The following TAFA5 variants were observed in gnomAD, a reference collection of about 807,000 sequenced individuals.
TAFA5 encodes the protein chemokine-like protein TAFA-5.
A neutral mutation model predicts 15.3 loss-of-function variants in TAFA5; 6 were observed. The ratio of observed to expected loss-of-function variants is 0.39; its 90% CI spans 0.21 to 0.77. TAFA5 has a LOEUF of 0.77. TAFA5 is among the 30% of genes least tolerant of loss of function. The pLI, the probability that TAFA5 is intolerant of heterozygous loss-of-function variation, is 0.41. For missense variants in TAFA5, 161 were observed against 193.1 expected (o/e 0.83, Z 0.98); for synonymous variants, 103 against 80.7 (o/e 1.28, Z -1.48).
chr22:48,617,853 AC>A (rs1391809385), intron 1 of TAFA5, among the ~76,000 whole-genome samples: 1 of 34,288 alleles, frequency 2.9e-5, no homozygotes, highest in African/African-American at 1.9e-4. Flanking sequence ...CTGGAGGTGC[AC>A]AAGCACATAT....
At chr22:48,743,171 C>A (rs767477885) in intron 3 of TAFA5, among the ~76,000 whole-genome samples, 6 of 151,774 alleles carry the variant, frequency 4.0e-5, no homozygotes, top group African/African-American at 9.7e-5. Context: ...CGTGCTCCCG[C>A]AGGAGGCAGC....
Position 48,560,465 on chromosome 22 carries a change from G to A in TAFA5, c.112+70761G>A, listed in dbSNP as rs112835676. Among the ~76,000 whole-genome samples the A allele has an allele frequency of 7.7e-3, 1,167 of 152,322 alleles. 21 individuals carry two copies. Among genetic ancestry groups the A allele is most frequent in the African/African-American group, 0.026 (1,090 of 41,564 alleles). On this transcript the variant is annotated intron_variant, in intron 1 of 3. Coordinates refer to ENST00000402357, the MANE Select transcript of TAFA5 (RefSeq NM_001082967.3). This position sits in a 1 kb window ranked among gnomAD's most constrained non-coding sequence, Gnocchi z 4.2. ...CCTGGGGCCAGCCCGGGCAAGGACA[G>A]TGCCAGCAGGCGCCCCCAGTGTGAA...
intron 2 of TAFA5, among the ~76,000 whole-genome samples, chr22:48,700,683 G>T (rs1464390238): frequency 1.3e-5 from 2 of 152,200 alleles, no homozygotes; most frequent in African/African-American, 4.8e-5. Flanking sequence ...ACGCACTCCA[G>T]GGGCAGGGCT....
At chr22:48,712,265 C>T (rs1929276436) in intron 3 of TAFA5, among the ~76,000 whole-genome samples, 2 of 152,202 alleles carry the variant, frequency 1.3e-5, no homozygotes, top group Non-Finnish European at 2.9e-5. Context: ...CCATGTTGGC[C>T]AGGCTCGTCT....
chr22:48,733,074 G>A (rs377464244), intron 3 of TAFA5, among the ~76,000 whole-genome samples: 3 of 152,110 alleles, frequency 2.0e-5, no homozygotes, highest in Admixed American at 6.6e-5. Flanking sequence ...TCTTGATCGT[G>A]ATATTTACTT....
chr22:48,609,514 G>A (rs1281172534), intron 1 of TAFA5, among the ~76,000 whole-genome samples: 1 of 152,184 alleles, frequency 6.6e-6, no homozygotes, highest in Admixed American at 6.5e-5. Context: ...GTGGGGTTGG[G>A]CCTTGGACCT....
At chr22:48,741,983 A>G (rs6587312) in intron 3 of TAFA5, among the ~76,000 whole-genome samples, 34,473 of 152,184 alleles carry the variant, frequency 0.23, 4,317 homozygotes, top group African/African-American at 0.33. Context: ...TTGAAATTAA[A>G]CAGTTTTTTG....
At position 48,566,831 on chromosome 22, in the gene TAFA5, T is replaced by C. The variant is rs1489181922; in HGVS notation, c.112+77127T>C. Among the ~76,000 whole-genome samples the C allele has an allele frequency of 6.6e-6, 1 of 152,242 alleles. No individual in the cohort carries two copies. Among genetic ancestry groups the C allele is most frequent in the South Asian group, 2.1e-4 (1 of 4,834 alleles). On this transcript the variant is annotated intron_variant, in intron 1 of 3. Transcript: ENST00000402357. The surrounding 1 kb of genome is among the most constrained non-coding windows in gnomAD (Gnocchi z 4.5). ...AGCATTTTTCAAAGCCCTGGGTCCA[T>C]GCAGCCCTTGTGGTTCTGCAGCTTT...
intron 1 of TAFA5, among the ~76,000 whole-genome samples, chr22:48,610,922 G>T (rs1334735333): frequency 2.8e-4 from 42 of 148,172 alleles, no homozygotes; most frequent in Admixed American, 2.8e-3. Flanking sequence ...TGACTGGCTG[G>T]ATGACCCTTA....
intron 2 of TAFA5, among the ~76,000 whole-genome samples, chr22:48,705,796 C>G (rs948005976): frequency 1.3e-5 from 2 of 152,256 alleles, no homozygotes; most frequent in African/African-American, 4.8e-5. Flanking sequence ...TGTGTGCACA[C>G]ACGTGCATTT....
intron 1 of TAFA5, among the ~76,000 whole-genome samples, chr22:48,610,855 T>C (rs1033517051): frequency 1.3e-5 from 2 of 152,016 alleles, no homozygotes; most frequent in Non-Finnish European, 2.9e-5. Context: ...CAGACTGTGG[T>C]GGGACACGAG....
chr22:48,556,263 G>A (rs1018805119), intron 1 of TAFA5, among the ~76,000 whole-genome samples: 7 of 152,308 alleles, frequency 4.6e-5, no homozygotes, highest in African/African-American at 1.4e-4. Context: ...CATCCCCAGA[G>A]CCCCCTGTGG....
intron 2 of TAFA5, among the ~76,000 whole-genome samples, chr22:48,676,787 T>C (rs925197353): frequency 7.2e-5 from 11 of 152,204 alleles, no homozygotes; most frequent in African/African-American, 2.7e-4. Context: ...GTTTCTCCAC[T>C]CCCAAGCCAT....
Position 48,590,150 on chromosome 22 carries a change from C to T in TAFA5, c.113-56447C>T, listed in dbSNP as rs539412366. Among the ~76,000 whole-genome samples, 4 of 152,234 alleles carry T rather than the reference C, an allele frequency of 2.6e-5. No individual in the cohort carries two copies. In the East Asian group the frequency reaches 5.8e-4, roughly 22 times the overall value. On this transcript the variant is annotated intron_variant, in intron 1 of 3. Coordinates refer to ENST00000402357, the MANE Select transcript of TAFA5 (RefSeq NM_001082967.3). Reference sequence around the variant, plus strand: ...CTCCGTCAGCATGAAGGGGAAGATCCGGATTCCCATCCCGGAGGTGGAATG... The same window carrying T: ...CTCCGTCAGCATGAAGGGGAAGATCTGGATTCCCATCCCGGAGGTGGAATG...
intron 3 of TAFA5, among the ~76,000 whole-genome samples, chr22:48,727,251 A>G (rs1433941013): frequency 6.6e-6 from 1 of 152,186 alleles, no homozygotes; most frequent in African/African-American, 2.4e-5. Flanking sequence ...CAGCACTATT[A>G]TTTAATATAC....
intron 1 of TAFA5, among the ~76,000 whole-genome samples, chr22:48,608,915 A>G (rs912708968): frequency 2.6e-5 from 4 of 152,256 alleles, no homozygotes; most frequent in Admixed American, 6.5e-5. Context: ...GAATAGGGCC[A>G]TGCTTTGCTG....
At chr22:48,498,959 G>T (rs1028777442) in intron 1 of TAFA5, among the ~76,000 whole-genome samples, 1 of 152,298 alleles carries the variant, frequency 6.6e-6, no homozygotes, top group East Asian at 1.9e-4. Flanking sequence ...GCCAGCGTGG[G>T]GGTCTGAGGA....
chr22:48,705,240 C>T (rs1000960887), intron 2 of TAFA5, among the ~76,000 whole-genome samples: 6 of 152,084 alleles, frequency 3.9e-5, no homozygotes, highest in South Asian at 2.1e-4. Flanking sequence ...GTGAAGGTGC[C>T]GGGGGTGGGG....
intron 2 of TAFA5, among the ~76,000 whole-genome samples, chr22:48,670,692 T>A (rs1329493640): frequency 6.6e-6 from 1 of 152,204 alleles, no homozygotes; most frequent in Admixed American, 6.5e-5. Context: ...GACCCGGCAA[T>A]TTTGCCGTCT....
Sources: allele counts gnomAD v4.1 joint callset (sites outside exome capture counted in the v4.1 genomes callset), GRCh38; gene constraint gnomAD v4.1.1; non-coding constraint Gnocchi (gnomAD v3.1); transcripts MANE v1.5; gene names NCBI Gene and HGNC (gene_info 2026-07-23, HGNC 2026-07-21).